BICD1: variants seen among roughly 807,000 people sequenced by gnomAD.
BICD1 encodes the protein protein bicaudal D homolog 1.
A neutral mutation model predicts 92.5 loss-of-function variants in BICD1; 35 were observed. The ratio of observed to expected loss-of-function variants is 0.38; its 90% CI spans 0.29 to 0.50. The LOEUF is 0.50. Ranked by LOEUF, BICD1 falls within the 20% of genes least tolerant of loss-of-function variation. BICD1 has a pLI of 0.93. For missense variants in BICD1, 950 were observed against 1,189.8 expected (o/e 0.80, Z 2.97); for synonymous variants, 429 against 465.1 (o/e 0.92, Z 1.00).
At chr12:32,156,894 T>C (rs1943453951) in intron 1 of BICD1, among the ~76,000 whole-genome samples, 1 of 152,218 alleles carries the variant, frequency 6.6e-6, no homozygotes, top group Non-Finnish European at 1.5e-5. Flanking sequence ...TGAATTCTCC[T>C]CTCCAAACAG....
chr12:32,340,039 A>G (rs1030857170), intron 8 of BICD1: 7 of 934,746 alleles, frequency 7.5e-6, no homozygotes, highest in African/African-American at 5.4e-5. Flanking sequence ...CCTCATTTCT[A>G]TTCTCTCCTG....
chr12:32,346,159 T>C (rs1565686657), intron 8 of BICD1, among the ~76,000 whole-genome samples: 1 of 151,528 alleles, frequency 6.6e-6, no homozygotes, highest in Non-Finnish European at 1.5e-5. Flanking sequence ...AAAAAATAAA[T>C]AAAAAGAAAC....
intron 3 of BICD1, among the ~76,000 whole-genome samples, chr12:32,294,620 T>TAAAAA (rs60052535): frequency 3.0e-5 from 2 of 65,626 alleles, no homozygotes; most frequent in African/African-American, 1.2e-4. Flanking sequence ...GACTCCGTCT[T>TAAAAA]AAAAAAAAAA....
At chr12:32,120,132 G>T (rs1942089883) in intron 1 of BICD1, among the ~76,000 whole-genome samples, 2 of 151,890 alleles carry the variant, frequency 1.3e-5, no homozygotes, top group East Asian at 3.9e-4. Flanking sequence ...TATTCTGTTT[G>T]CAGTTTTTAT....
At chr12:32,278,673 GA>G (rs1248507643) in intron 2 of BICD1, among the ~76,000 whole-genome samples, 1 of 152,070 alleles carries the variant, frequency 6.6e-6, no homozygotes, top group Non-Finnish European at 1.5e-5. Context: ...CTAACACAGT[GA>G]AACCCTGTCT....
intron 8 of BICD1, among the ~76,000 whole-genome samples, chr12:32,349,380 T>C (rs1359513778): frequency 1.3e-5 from 2 of 152,054 alleles, no homozygotes; most frequent in Non-Finnish European, 2.9e-5. Flanking sequence ...GAAAACATAT[T>C]ATGAGAAAGT....
intron 2 of BICD1, among the ~76,000 whole-genome samples, chr12:32,264,881 T>C (rs537195244): frequency 6.6e-6 from 1 of 152,272 alleles, no homozygotes; most frequent in East Asian, 1.9e-4. Context: ...GCAGAGACCT[T>C]GTCCTGTTTC....
chr12:32,125,122 C>G lies in BICD1; in HGVS notation c.213+17578C>G, dbSNP rs150320475. 7.5e-5 allele frequency among the ~76,000 whole-genome samples: 11 copies of G among 146,158 alleles called. No homozygotes were observed. In the East Asian group the frequency reaches 2.2e-3, roughly 29 times the overall value. ...ACTGTGACCAGGTTGCCTAATTGGC[C>G]CTTTGGTTTGGGCACCCACTGTCCT... On this transcript the variant is annotated intron_variant, in intron 1 of 9. Coordinates refer to ENST00000652176, the MANE Select transcript of BICD1 (RefSeq NM_001714.4).
At chr12:32,222,373 CT>C in intron 2 of BICD1, among the ~76,000 whole-genome samples, 1 of 152,320 alleles carries the variant, frequency 6.6e-6, no homozygotes, top group Admixed American at 6.5e-5. Context: ...ACTGCTGAAT[CT>C]TTCTAACAAC....
At chr12:32,196,840 A>C (rs1261961255) in intron 1 of BICD1, among the ~76,000 whole-genome samples, 1 of 152,334 alleles carries the variant, frequency 6.6e-6, no homozygotes, top group East Asian at 1.9e-4. Context: ...TGATTGTGGT[A>C]GTCAGTACAC....
intron 1 of BICD1, among the ~76,000 whole-genome samples, chr12:32,133,019 C>T (rs916941465): frequency 2.0e-5 from 3 of 151,866 alleles, no homozygotes; most frequent in African/African-American, 7.3e-5. Flanking sequence ...AGGATGGCTC[C>T]TAGGTTTCTT....
At chr12:32,123,891 AAAGAC>A (rs990386721) in intron 1 of BICD1, among the ~76,000 whole-genome samples, 2 of 152,054 alleles carry the variant, frequency 1.3e-5, no homozygotes, top group Non-Finnish European at 2.9e-5. Context: ...GAAAAAAAAA[AAAGAC>A]AGCCAGTTAT....
chr12:32,234,696 T>C (rs1946011703), intron 2 of BICD1, among the ~76,000 whole-genome samples: 1 of 146,852 alleles, frequency 6.8e-6, no homozygotes, highest in Non-Finnish European at 1.5e-5. Flanking sequence ...TTTCTGGAGT[T>C]AGAGTCTCTC....
At chr12:32,170,442 T>C (rs10844147) in intron 1 of BICD1, among the ~76,000 whole-genome samples, 20,154 of 152,282 alleles carry the variant, frequency 0.13, 1,794 homozygotes, top group East Asian at 0.34. Context: ...ACATTACTTA[T>C]ATAAAAAGAC....
intron 4 of BICD1, among the ~76,000 whole-genome samples, chr12:32,311,936 G>C (rs1195085658): frequency 6.6e-6 from 1 of 152,188 alleles, no homozygotes; most frequent in Non-Finnish European, 1.5e-5. Context: ...GCCAGTATCA[G>C]ATTGGAAAGT....
chr12:32,282,369 T>C (rs905431615), intron 2 of BICD1, among the ~76,000 whole-genome samples: 17 of 151,896 alleles, frequency 1.1e-4, no homozygotes, highest in African/African-American at 3.9e-4. Context: ...TATAGGCACA[T>C]GCCACCACAC....
At position 32,305,954 on chromosome 12, in the gene BICD1, A is replaced by G. The variant is rs766149832; in HGVS notation, c.837A>G (p.Pro279=). 3 of 1,614,134 alleles carry G rather than the reference A, an allele frequency of 1.9e-6. No homozygotes were observed. The South Asian group carries it at 3.3e-5, about 18-fold the overall frequency. Residue 279 remains proline, a synonymous_variant, in exon 4 of 10, where the codon CCA becomes CCG. Coordinates refer to ENST00000652176, the MANE Select transcript of BICD1 (RefSeq NM_001714.4). ...AATTTGCCGAGGATGGGAGTGAACC[A>G]AACAATGATGACAAAATGAACGGTC... ...GLKFAEDGSE[P]NNDDKMNGHI... is the part of the protein sequence containing the mutation.
chr12:32,341,948 A>C (rs1171020651), intron 8 of BICD1, among the ~76,000 whole-genome samples: 1 of 151,844 alleles, frequency 6.6e-6, no homozygotes, highest in Non-Finnish European at 1.5e-5. Flanking sequence ...CTTATGTTCT[A>C]TATAAGAAAT....
intron 1 of BICD1, among the ~76,000 whole-genome samples, chr12:32,178,353 T>G (rs374776722): frequency 6.6e-6 from 1 of 151,948 alleles, no homozygotes; most frequent in East Asian, 1.9e-4. Context: ...GGTCAGAGTA[T>G]TCTCCAATTG....
Sources: allele counts gnomAD v4.1 joint callset (sites outside exome capture counted in the v4.1 genomes callset), GRCh38; gene constraint gnomAD v4.1.1; transcripts MANE v1.5; gene names NCBI Gene and HGNC (gene_info 2026-07-23, HGNC 2026-07-21).